The following GRID2 variants were observed in gnomAD, a reference collection of about 807,000 sequenced individuals.
GRID2 encodes glutamate receptor ionotropic, delta-2.
A neutral mutation model predicts 114.8 loss-of-function variants in GRID2; 33 were observed. That is an observed-to-expected ratio of 0.29 (90% CI 0.22 to 0.38). GRID2 has a LOEUF of 0.38. Among genes scored for constraint, GRID2 ranks in the 10% least tolerant of loss-of-function variants. GRID2 has a pLI of 1.00. For missense variants in GRID2, 1,184 were observed against 1,257.7 expected (o/e 0.94, Z 0.89); for synonymous variants, 505 against 449.9 (o/e 1.12, Z -1.55).
At chr4:93,504,196 A>G (rs979726379) in intron 12 of GRID2, among the ~76,000 whole-genome samples, 3 of 152,098 alleles carry the variant, frequency 2.0e-5, no homozygotes, top group African/African-American at 7.2e-5. Flanking sequence ...ATCACAAATT[A>G]TTATGGATTC....
chr4:93,803,663 A>G (rs1734978196), intron 1 of GRID2, among the ~76,000 whole-genome samples: 1 of 152,166 alleles, frequency 6.6e-6, no homozygotes, highest in Non-Finnish European at 1.5e-5. Context: ...TGGAGGCTGC[A>G]GCAAGCCGAG....
intron 2 of GRID2, among the ~76,000 whole-genome samples, chr4:93,040,859 G>A (rs916308797): frequency 1.7e-4 from 26 of 152,118 alleles, no homozygotes; most frequent in African/African-American, 6.3e-4. Context: ...AATTTACAAG[G>A]AGCTGTATTT....
chr4:92,738,188 T>G (rs1233102719), intron 2 of GRID2, among the ~76,000 whole-genome samples: 4 of 152,170 alleles, frequency 2.6e-5, no homozygotes, highest in East Asian at 1.9e-4. Flanking sequence ...ATGGTGAGAA[T>G]TTTTTCATGT....
chr4:92,456,806 A>G (rs930103171), intron 1 of GRID2, among the ~76,000 whole-genome samples: 1 of 152,132 alleles, frequency 6.6e-6, no homozygotes, highest in Non-Finnish European at 1.5e-5. Flanking sequence ...TATGATAACA[A>G]CTTAACTATG....
At chr4:92,956,774 A>G (rs1291630544) in intron 2 of GRID2, among the ~76,000 whole-genome samples, 1 of 152,194 alleles carries the variant, frequency 6.6e-6, no homozygotes, top group Admixed American at 6.5e-5. Flanking sequence ...TCCCAGTGGT[A>G]ATGAATGAAA....
chr4:93,732,584 T>C (rs1032580598), intron 14 of GRID2, among the ~76,000 whole-genome samples: 1 of 152,158 alleles, frequency 6.6e-6, no homozygotes, highest in Non-Finnish European at 1.5e-5. Flanking sequence ...TTGTTGAATT[T>C]TTTTTAATGT....
intron 1 of GRID2, among the ~76,000 whole-genome samples, chr4:92,547,974 A>G (rs1726353560): frequency 1.3e-5 from 2 of 152,200 alleles, no homozygotes; most frequent in African/African-American, 4.8e-5. Flanking sequence ...AAAAATAATT[A>G]AGTAGAAAAA....
chr4:93,300,207 G>T (rs1754719346), intron 8 of GRID2, among the ~76,000 whole-genome samples: 1 of 152,036 alleles, frequency 6.6e-6, no homozygotes, highest in South Asian at 2.1e-4. Flanking sequence ...TCCTGAGTTT[G>T]CTGGGATTAC....
intron 2 of GRID2, among the ~76,000 whole-genome samples, chr4:92,861,746 T>C (rs1744547579): frequency 6.6e-6 from 1 of 152,004 alleles, no homozygotes; most frequent in Non-Finnish European, 1.5e-5. Flanking sequence ...TCTTATTAAA[T>C]AAGAAGTAAC....
At chr4:92,960,052 TTCTA>T (rs1396706468) in intron 2 of GRID2, among the ~76,000 whole-genome samples, 3 of 152,024 alleles carry the variant, frequency 2.0e-5, no homozygotes, top group Non-Finnish European at 4.4e-5. Context: ...TTTGTTTAAT[TTCTA>T]TCTATTTTGA....
At position 93,404,671 on chromosome 4, in the gene GRID2, G is replaced by A. The variant is rs373911587; in HGVS notation, c.1347+8963G>A. On this transcript the variant is annotated intron_variant, in intron 9 of 15. Coordinates refer to ENST00000282020, the MANE Select transcript of GRID2 (RefSeq NM_001510.4). ...TGTCCATTCTTCTTATGCACAGACT[G>A]TTAAGGGAGAGCATGAAAGAAGTAT... 1.4e-4 allele frequency among the ~76,000 whole-genome samples: 22 copies of A among 152,266 alleles called. No homozygotes were observed. In the East Asian group the frequency reaches 2.1e-3, roughly 15 times the overall value.
chr4:92,794,874 T>TTATA (rs34559735), intron 2 of GRID2, among the ~76,000 whole-genome samples: 12,510 of 105,536 alleles, frequency 0.12, 730 homozygotes, highest in East Asian at 0.16. Context: ...AATAATTGTT[T>TTATA]TATATATATA....
intron 14 of GRID2, among the ~76,000 whole-genome samples, chr4:93,629,669 A>G (rs554661556): frequency 1.3e-5 from 2 of 152,324 alleles, no homozygotes; most frequent in South Asian, 2.1e-4. Context: ...CACTGAAAAT[A>G]TAGTATACTA....
At chr4:93,525,254 T>A (rs1730767876) in intron 13 of GRID2, among the ~76,000 whole-genome samples, 1 of 151,954 alleles carries the variant, frequency 6.6e-6, no homozygotes, top group South Asian at 2.1e-4. Context: ...TTAGAATGAG[T>A]AGTATTTAAT....
chr4:92,794,901 T>TACAC (rs1185891188), intron 2 of GRID2, among the ~76,000 whole-genome samples: 7 of 136,720 alleles, frequency 5.1e-5, no homozygotes, highest in East Asian at 2.4e-4. Flanking sequence ...TATATATATA[T>TACAC]ATATACACAC....
intron 2 of GRID2, among the ~76,000 whole-genome samples, chr4:92,638,459 A>G (rs968903464): frequency 2.7e-5 from 4 of 147,698 alleles, no homozygotes; most frequent in Non-Finnish European, 4.5e-5. Flanking sequence ...TATATAAAAT[A>G]CATATATGTA....
chr4:93,276,386 C>A, intron 8 of GRID2, among the ~76,000 whole-genome samples: 1 of 151,942 alleles, frequency 6.6e-6, no homozygotes. Context: ...ATGTGTGAGT[C>A]CTCCAGTTTT....
Position 93,422,838 on chromosome 4 carries a change from T to C in GRID2, c.1415T>C (p.Ile472Thr), listed in dbSNP as rs753415901. Residue 472 changes from isoleucine (I) to threonine (T), a missense_variant, in exon 10 of 16, where the codon ATT (isoleucine) becomes ACT (threonine). Around this residue, in one of 3 missense-constraint regions of GRID2, gnomAD observed 717 missense variants for 796.9 expected, o/e 0.90. Transcript: ENST00000282020. The part of the protein sequence containing the change: ...GKPKKYQGFS[I>T]DVLDALSNYL... ...CCGAAGAAATACCAGGGCTTCTCCATTGATGTTTTGGATGCCTTATCTAAC... is the reference window on the plus strand; with the variant it reads ...CCGAAGAAATACCAGGGCTTCTCCACTGATGTTTTGGATGCCTTATCTAAC... The C allele has an allele frequency of 4.3e-6, 7 of 1,613,378 alleles. No individual in the cohort carries two copies. The highest frequency in any genetic ancestry group is 2.2e-5 in the East Asian group (1 of 44,854).
At chr4:93,016,788 A>T (rs772048879) in intron 2 of GRID2, among the ~76,000 whole-genome samples, 10 of 152,236 alleles carry the variant, frequency 6.6e-5, no homozygotes, top group Non-Finnish European at 1.5e-4. Flanking sequence ...TTAGATATCA[A>T]GTCAAGTGCA....
Sources: gnomAD v4.1 joint callset for allele counts (sites outside exome capture counted in the v4.1 genomes callset) on GRCh38, gnomAD v4.1.1 for gene constraint, gnomAD v4.1.1 regional missense constraint, MANE v1.5 for transcripts, NCBI Gene and HGNC (gene_info 2026-07-23, HGNC 2026-07-21) for gene names.